The following VWA3B variants were observed in gnomAD, a reference collection of about 807,000 sequenced individuals.
The protein encoded by VWA3B is von Willebrand factor A domain containing 3B, also known as von Willebrand factor A domain-containing protein 3B.
VWA3B carries 138 observed loss-of-function variants against 158.3 expected under a neutral mutation model. The ratio of observed to expected loss-of-function variants is 0.87; its 90% CI spans 0.76 to 1.00. The LOEUF is 1.00. Ranked by LOEUF, VWA3B falls within the 50% of genes least tolerant of loss-of-function variation. The pLI is 0.00. For synonymous variants in VWA3B, 596 were observed against 587.3 expected, an observed-to-expected ratio of 1.01 and a Z score of -0.21; for missense variants, 1,555 against 1,565.1, an observed-to-expected ratio of 0.99 and a Z score of 0.11.
intron 19 of VWA3B, among the ~76,000 whole-genome samples, chr2:98,240,891 T>C (rs1686033577): frequency 6.6e-6 from 1 of 152,170 alleles, no homozygotes; most frequent in Non-Finnish European, 1.5e-5. Flanking sequence ...ACTTAAAATG[T>C]TGACTTTTAT....
rs1399699801 is a variant in VWA3B, at chr2:98,230,139, T to A, written c.2240T>A (p.Leu747Gln). ...SDVDSTQTSSLNMLKGPWGLS... is the reference protein window; with the variant it reads ...SDVDSTQTSSQNMLKGPWGLS... ...GTCGATTCAACACAAACTTCATCTC[T>A]GAATATGTTGAAGGGACCATGGGGC... The change falls in exon 16 of 28, where the codon CTG becomes CAG. Residue 747 changes from leucine to glutamine, a missense_variant. Coordinates refer to ENST00000477737, the MANE Select transcript of VWA3B (RefSeq NM_144992.5). 3.1e-6 allele frequency: 5 copies of A among 1,611,604 alleles called. No homozygotes were observed. The African/African-American group carries it at 6.7e-5, about 22-fold the overall frequency.
intron 22 of VWA3B, among the ~76,000 whole-genome samples, chr2:98,278,872 T>A (rs1027955632): frequency 2.6e-5 from 4 of 152,154 alleles, no homozygotes; most frequent in African/African-American, 9.7e-5. Flanking sequence ...TACCCAGTAT[T>A]TCCCTGCCTC....
At position 98,173,705 on chromosome 2, in the gene VWA3B, C is replaced by T. The variant is rs960188603; in HGVS notation, c.1115-7311C>T. Among the ~76,000 whole-genome samples, 37 of 152,260 alleles carry T rather than the reference C, an allele frequency of 2.4e-4. No individual in the cohort carries two copies. In the East Asian group the frequency reaches 2.7e-3, roughly 11 times the overall value. On this transcript the variant is annotated intron_variant, in intron 8 of 27. Coordinates refer to ENST00000477737, the MANE Select transcript of VWA3B (RefSeq NM_144992.5). The stretch of plus-strand genomic sequence containing the variant: ...TGGAGGGCTGGGCGCCAGTGGCTCA[C>T]GCCTGTAATCCCAGTACTTTGGGAG...
rs770546360 is a variant in VWA3B, at chr2:98,236,399, T to C, written c.2438T>C (p.Ile813Thr). 3.5e-5 allele frequency: 57 copies of C among 1,614,020 alleles called. No individual in the cohort carries two copies. Among genetic ancestry groups the C allele is most frequent in the Non-Finnish European group, 1.7e-6 (2 of 1,180,022 alleles). The change falls in exon 18 of 28, where the codon ATC becomes ACC. Residue 813 changes from isoleucine to threonine, a missense_variant. Transcript: ENST00000477737. ...ACTTCCCCTTCCACAGAAATGAGCA[T>C]CTTGCTGGCTGAGGAGTGGCTGGAT... ...RTALSDKEMS[I>T]LLAEEWLDDK...
the VWA3B span, among the ~76,000 whole-genome samples, chr2:98,330,461 A>G: frequency 6.6e-6 from 1 of 152,172 alleles, no homozygotes; most frequent in Non-Finnish European, 1.5e-5. Context: ...GCTGTGACTG[A>G]GATCCTGAAA....
intron 16 of VWA3B, among the ~76,000 whole-genome samples, chr2:98,232,090 G>T (rs1243306416): frequency 6.6e-6 from 1 of 152,094 alleles, no homozygotes; most frequent in Non-Finnish European, 1.5e-5. Flanking sequence ...TGAATGTTTG[G>T]TAGAGTTATC....
rs756503124 is a variant in VWA3B at position 98,300,187 on chromosome 2, TAC to T, written c.3395_3396del (p.Thr1132SerfsTer5). The T allele has an allele frequency of 2.8e-5, 46 of 1,614,148 alleles. No individual in the cohort carries two copies. The highest frequency in any genetic ancestry group is 3.8e-5 in the Non-Finnish European group (45 of 1,180,054). ...PNKHVATEKF[Y>X]TVLKCNNRRE... is the part of the protein sequence containing the mutation. ...TAAGCATGTGGCCACAGAAAAATTC[TAC>T]ACAGTTTTGAAGTGTAACAACCGGA... On this transcript the variant is annotated frameshift_variant, in exon 25 of 28. Coordinates refer to ENST00000477737, the MANE Select transcript of VWA3B (RefSeq NM_144992.5). LOFTEE classifies it high-confidence loss of function.
intron 5 of VWA3B, 190 bp from the exon 6 acceptor site, chr2:98,128,049 C>T: frequency 1.6e-6 from 1 of 614,610 alleles, no homozygotes; most frequent in Non-Finnish European, 2.8e-6. Context: ...GACAGACCTT[C>T]CTGGTACCAA....
intron 8 of VWA3B, chr2:98,179,423 C>T (rs2105337257): frequency 2.2e-6 from 1 of 451,766 alleles, no homozygotes. Context: ...TTATTCTTTT[C>T]CCTGTGAAGC....
rs1680360899 is a variant in VWA3B at position 98,179,810 on chromosome 2, C to A, written c.1115-1206C>A. On this transcript the variant is annotated intron_variant, in intron 8 of 27. Transcript: ENST00000477737. Reference sequence around the variant, plus strand: ...CTTTTCTTTCTTTCTTTCTTTCTTTCTTTCTTTCTTTCTTTCTTTTTCTTT... The same window carrying A: ...CTTTTCTTTCTTTCTTTCTTTCTTTATTTCTTTCTTTCTTTCTTTTTCTTT... Among the ~76,000 whole-genome samples the A allele has an allele frequency of 3.4e-5, 4 of 118,970 alleles. No individual in the cohort carries two copies. In the Admixed American group the frequency reaches 3.8e-4, roughly 11 times the overall value. 78.0% of individuals were successfully genotyped at this position (118,970 alleles called of 152,430 possible). A position where few individuals can be genotyped will look rare whatever the true frequency, so the allele number is the denominator to read the frequency against.
At chr2:98,217,728 C>T in intron 13 of VWA3B, 118 bp from the exon 14 acceptor site, 1 of 921,040 alleles carries the variant, frequency 1.1e-6, no homozygotes. Context: ...AAGCCACTCA[C>T]CACTGTATAC....
intron 7 of VWA3B, among the ~76,000 whole-genome samples, chr2:98,155,918 T>A (rs1389991864): frequency 6.6e-6 from 1 of 152,046 alleles, no homozygotes. Context: ...TTTTGGAGAG[T>A]GATCATGTAT....
At chr2:98,287,002 C>T (rs1689201953) in intron 22 of VWA3B, among the ~76,000 whole-genome samples, 1 of 152,082 alleles carries the variant, frequency 6.6e-6, no homozygotes, top group Non-Finnish European at 1.5e-5. Context: ...AATCACAATG[C>T]CACTAATTAG....
At chr2:98,211,130 A>G (rs1290949788) in intron 12 of VWA3B, among the ~76,000 whole-genome samples, 2 of 152,214 alleles carry the variant, frequency 1.3e-5, no homozygotes, top group African/African-American at 4.8e-5. Flanking sequence ...TATCCTGTCC[A>G]TTGGTGATGC....
intron 14 of VWA3B, among the ~76,000 whole-genome samples, chr2:98,227,323 G>A (rs1684996888): frequency 6.6e-6 from 1 of 152,098 alleles, no homozygotes; most frequent in African/African-American, 2.4e-5. Flanking sequence ...AAATGCCTAG[G>A]AATACAGCTT....
the VWA3B span, among the ~76,000 whole-genome samples, chr2:98,320,819 C>T: frequency 2.6e-5 from 4 of 152,146 alleles, no homozygotes; most frequent in Admixed American, 1.3e-4. Flanking sequence ...GGAGAGAAAA[C>T]GCCATTTTCT....
At chr2:98,320,667 C>T in the VWA3B span, among the ~76,000 whole-genome samples, 1 of 152,150 alleles carries the variant, frequency 6.6e-6, no homozygotes, top group Admixed American at 6.5e-5. Context: ...CAGCATTTTG[C>T]CTCTGCTCTA....
At chr2:98,308,423 C>T (rs1488127946) in intron 26 of VWA3B, among the ~76,000 whole-genome samples, 2 of 152,208 alleles carry the variant, frequency 1.3e-5, no homozygotes, top group African/African-American at 2.4e-5. Flanking sequence ...GAGAATAGTC[C>T]GTATCCTGTC....
At chr2:98,092,145 G>T (rs1430471868) in intron 1 of VWA3B, among the ~76,000 whole-genome samples, 1 of 152,154 alleles carries the variant, frequency 6.6e-6, no homozygotes, top group African/African-American at 2.4e-5. Context: ...CTGAGCTGTG[G>T]TCTGGTTCCC....
Sources: allele counts gnomAD v4.1 joint callset (sites outside exome capture counted in the v4.1 genomes callset), GRCh38; gene constraint gnomAD v4.1.1; transcripts MANE v1.5; gene names NCBI Gene and HGNC (gene_info 2026-07-23, HGNC 2026-07-21).